Variants in ARSG observed in about 807,000 individuals in gnomAD.
The protein encoded by ARSG is arylsulfatase G.
Under a neutral mutation model 50.5 loss-of-function variants are expected in ARSG, and 37 were observed. The ratio of observed to expected loss-of-function variants is 0.73; its 90% CI spans 0.56 to 0.96. The LOEUF (loss-of-function observed/expected upper bound fraction) is 0.96, where lower values mean the gene tolerates loss of function less well. Among genes scored for constraint, ARSG ranks in the 50% least tolerant of loss-of-function variants. The pLI is 0.00. For missense variants in ARSG, 629 were observed against 675.3 expected, an observed-to-expected ratio of 0.93 and a Z score of 0.76; for synonymous variants, 225 against 254.6, an observed-to-expected ratio of 0.88 and a Z score of 1.11.
chr17:68,300,315 G>C (rs927065192), intron 1 of ARSG, among the ~76,000 whole-genome samples: 13 of 152,202 alleles, frequency 8.5e-5, no homozygotes, highest in Admixed American at 5.2e-4. Flanking sequence ...GAGAGAGCCA[G>C]CCTGACCATG....
chr17:68,420,283 G>T lies in ARSG; in HGVS notation c.1398G>T (p.Val466=). 1 of 1,614,106 alleles carries T rather than the reference G, an allele frequency of 6.2e-7. No individual in the cohort carries two copies. Among genetic ancestry groups the T allele is most frequent in the East Asian group, 2.2e-5 (1 of 44,872 alleles). Residue 466 remains valine, a synonymous_variant, in exon 12 of 12, where the codon GTG becomes GTT. Coordinates refer to ENST00000621439, the MANE Select transcript of ARSG (RefSeq NM_001267727.2). ...FNLEDDTAEA[V]PLERGGAEYQ... is the part of the protein sequence containing the mutation. The stretch of plus-strand genomic sequence containing the variant: ...TGGAAGACGATACCGCAGAAGCTGT[G>T]CCCCTAGAAAGAGGTGGTGCGGAGT...
At chr17:68,299,581 A>G (rs2076338939) in intron 1 of ARSG, among the ~76,000 whole-genome samples, 1 of 152,186 alleles carries the variant, frequency 6.6e-6, no homozygotes, top group Non-Finnish European at 1.5e-5. Context: ...AATAGAGGAT[A>G]CAATCAGCTA....
intron 5 of ARSG, among the ~76,000 whole-genome samples, chr17:68,352,142 GGAGA>G (rs200912330): frequency 1.1e-4 from 9 of 84,082 alleles, no homozygotes; most frequent in South Asian, 1.0e-3. Flanking sequence ...GAGAGACAGA[GGAGA>G]GAGAGAGAGA....
chr17:68,306,402 AG>A (rs1173992129), intron 1 of ARSG, among the ~76,000 whole-genome samples: 1 of 152,154 alleles, frequency 6.6e-6, no homozygotes, highest in Non-Finnish European at 1.5e-5. Flanking sequence ...CAAAAAAAAA[AG>A]AATTTTAGCT....
chr17:68,358,463 C>G (rs1446860438), intron 6 of ARSG, among the ~76,000 whole-genome samples: 1 of 150,768 alleles, frequency 6.6e-6, no homozygotes, highest in Non-Finnish European at 1.5e-5. Context: ...CCAAGGCAGG[C>G]AGATCACCTG....
chr17:68,308,642 T>C (rs920454459), intron 2 of ARSG, among the ~76,000 whole-genome samples: 1 of 152,160 alleles, frequency 6.6e-6, no homozygotes, highest in Non-Finnish European at 1.5e-5. Flanking sequence ...CACTGCTGGC[T>C]CGGGCAGCCT....
intron 1 of ARSG, among the ~76,000 whole-genome samples, chr17:68,295,121 TGAG>T (rs10564520): frequency 0.3 from 46,131 of 151,690 alleles, 7,718 homozygotes; most frequent in East Asian, 0.41. Context: ...CCTGGGGGAT[TGAG>T]GAGGATGGCG....
intron 11 of ARSG, among the ~76,000 whole-genome samples, chr17:68,411,349 A>G (rs2081986977): frequency 6.6e-6 from 1 of 151,918 alleles, no homozygotes; most frequent in African/African-American, 2.4e-5. Context: ...GTTTCAAAGA[A>G]CATCTTTATT....
At chr17:68,412,862 T>G (rs2082092650) in intron 11 of ARSG, among the ~76,000 whole-genome samples, 1 of 152,132 alleles carries the variant, frequency 6.6e-6, no homozygotes, top group African/African-American at 2.4e-5. Context: ...TCGCTTCATT[T>G]CATTCATTTC....
chr17:68,336,875 CAAAT>C (rs988094902), intron 2 of ARSG, among the ~76,000 whole-genome samples: 13 of 151,938 alleles, frequency 8.6e-5, no homozygotes, highest in African/African-American at 1.9e-4. Context: ...AATAAATAAA[CAAAT>C]AAATAAGAAA....
chr17:68,430,108 C>G, the ARSG span: 1 of 1,614,112 alleles, frequency 6.2e-7, no homozygotes, highest in Non-Finnish European at 8.5e-7. Context: ...TTGGTAGCAG[C>G]CATAAACATC....
At chr17:68,426,161 C>T (rs749100339), downstream of ARSG, 57 of 1,606,166 alleles carry the variant, frequency 3.5e-5, no homozygotes, top group South Asian at 6.6e-5. Flanking sequence ...AGCGCCCCGC[C>T]GTCCTCAGAA....
rs1568536228 is a variant in ARSG at position 68,370,512 on chromosome 17, C to T, written c.970C>T (p.Gln324Ter). Residue 324 changes from glutamine to a stop codon, truncating the protein, a stop_gained, in exon 8 of 12, where the codon CAA becomes TAA. Coordinates refer to ENST00000621439, the MANE Select transcript of ARSG (RefSeq NM_001267727.2). LOFTEE classifies it high-confidence loss of function. ...TGTGGGTCCCTTCACTGGATTTTGG[C>T]AAACTCGTCAAGGTAAGGGGCTCAG... ...GSVGPFTGFW[Q>*]TRQGGSPAKQ... is the part of the protein sequence containing the mutation. 2 of 1,613,862 alleles carry T rather than the reference C, an allele frequency of 1.2e-6. No individual in the cohort carries two copies. Among genetic ancestry groups the T allele is most frequent in the Admixed American group, 3.3e-5 (2 of 59,964 alleles).
the ARSG span, chr17:68,430,171 A>G: frequency 6.2e-7 from 1 of 1,608,106 alleles, no homozygotes; most frequent in Non-Finnish European, 8.5e-7. Context: ...CTAGGGAGTA[A>G]TGCACAGGCA....
At chr17:68,417,696 A>C (rs2082461409) in intron 11 of ARSG, among the ~76,000 whole-genome samples, 1 of 135,452 alleles carries the variant, frequency 7.4e-6, no homozygotes, top group Non-Finnish European at 1.5e-5. Flanking sequence ...TTGCCCTGTG[A>C]CTTCACTTCT....
At chr17:68,427,543 G>A, downstream of ARSG, 1 of 232,326 alleles carries the variant, frequency 4.3e-6, no homozygotes, top group Non-Finnish European at 8.6e-6. Flanking sequence ...TTTTAGTAGA[G>A]ACTGGGTTTC....
chr17:68,438,567 C>G, the ARSG span, among the ~76,000 whole-genome samples: 1 of 152,174 alleles, frequency 6.6e-6, no homozygotes, highest in Non-Finnish European at 1.5e-5. Context: ...CTTACAAATG[C>G]AGTGTGTAAC....
At chr17:68,411,161 G>A (rs918096563) in intron 11 of ARSG, among the ~76,000 whole-genome samples, 32 of 152,232 alleles carry the variant, frequency 2.1e-4, no homozygotes, top group African/African-American at 7.2e-4. Context: ...CTTGCCTTCT[G>A]CTAGCTTTTG....
chr17:68,278,619 T>C (rs1349633763), intron 1 of ARSG, among the ~76,000 whole-genome samples: 78 of 42,216 alleles, frequency 1.8e-3, no homozygotes, highest in African/African-American at 0.016. Context: ...TCTTTTTCCT[T>C]TTTTTTTTTT....
Sources: allele counts gnomAD v4.1 joint callset (sites outside exome capture counted in the v4.1 genomes callset), GRCh38; gene constraint gnomAD v4.1.1; transcripts MANE v1.5; gene names NCBI Gene and HGNC (gene_info 2026-07-23, HGNC 2026-07-21).